Variants in PDS5A observed in about 807,000 individuals in gnomAD.
The protein encoded by PDS5A is PDS5 cohesin associated factor A.
PDS5A carries 42 observed loss-of-function variants against 167.1 expected under a neutral mutation model. That is an observed-to-expected ratio of 0.25 (90% CI 0.20 to 0.33). The LOEUF (loss-of-function observed/expected upper bound fraction) is 0.33. Ranked by LOEUF, PDS5A falls within the 10% of genes least tolerant of loss-of-function variation. The probability of loss-of-function intolerance (pLI) is 1.00; values close to 1 mark genes in which losing one functional copy is unlikely to be tolerated. For missense variants in PDS5A, 1,033 were observed against 1,605.9 expected (o/e 0.64, Z 6.10); for synonymous variants, 553 against 554.6 (o/e 1.00, Z 0.04).
chr4:39,950,204 T>C (rs1728216926), intron 2 of PDS5A, among the ~76,000 whole-genome samples: 1 of 152,092 alleles, frequency 6.6e-6, no homozygotes, highest in South Asian at 2.1e-4. Flanking sequence ...CCCAGCCAAT[T>C]GTACGTTTTA....
At chr4:39,875,910 C>A (rs1015192787) in intron 19 of PDS5A, among the ~76,000 whole-genome samples, 5 of 151,730 alleles carry the variant, frequency 3.3e-5, no homozygotes, top group African/African-American at 1.2e-4. Flanking sequence ...CAACTTTAAC[C>A]TTTCTTCTTG....
chr4:39,894,471 T>G (rs953025521), intron 16 of PDS5A, among the ~76,000 whole-genome samples: 14 of 152,114 alleles, frequency 9.2e-5, no homozygotes, highest in Non-Finnish European at 1.8e-4. Context: ...AGGTTGAGGT[T>G]GTCTGGGCAT....
At chr4:39,965,811 T>C (rs904634649) in intron 2 of PDS5A, among the ~76,000 whole-genome samples, 1 of 152,114 alleles carries the variant, frequency 6.6e-6, no homozygotes, top group African/African-American at 2.4e-5. Context: ...AAGAGTTTAA[T>C]GGGTAGAGTT....
intron 11 of PDS5A, among the ~76,000 whole-genome samples, chr4:39,907,335 T>A (rs1723469889): frequency 6.6e-6 from 1 of 152,120 alleles, no homozygotes; most frequent in Non-Finnish European, 1.5e-5. Context: ...AAAGAATACC[T>A]CTTTCTATAT....
At chr4:39,919,602 A>T (rs1429664101) in intron 7 of PDS5A, among the ~76,000 whole-genome samples, 1 of 152,186 alleles carries the variant, frequency 6.6e-6, no homozygotes, top group Admixed American at 6.5e-5. Flanking sequence ...CCGAGAATGC[A>T]CCACTGCACT....
At chr4:39,871,282 GTA>G (rs1012720282) in intron 21 of PDS5A, among the ~76,000 whole-genome samples, 2 of 152,126 alleles carry the variant, frequency 1.3e-5, no homozygotes, top group Non-Finnish European at 2.9e-5. Context: ...TTGATACTAT[GTA>G]TAGTTTATCA....
chr4:39,839,354 G>C (rs1414451610), intron 31 of PDS5A, among the ~76,000 whole-genome samples: 3 of 151,854 alleles, frequency 2.0e-5, no homozygotes, highest in African/African-American at 4.8e-5. Flanking sequence ...GGTGGATCAC[G>C]AGGTCAGGAG....
intron 2 of PDS5A, among the ~76,000 whole-genome samples, chr4:39,967,630 G>C (rs1223359289): frequency 1.3e-5 from 2 of 151,106 alleles, no homozygotes; most frequent in African/African-American, 4.9e-5. Flanking sequence ...CTGGGCGACA[G>C]AGCAAGACTC....
intron 21 of PDS5A, 63 bp from the exon 22 acceptor site, chr4:39,869,525 TAA>T (rs1719839770): frequency 2.0e-6 from 2 of 996,018 alleles, no homozygotes; most frequent in Admixed American, 3.6e-5. Context: ...TTTTGCTGAT[TAA>T]GTTTTTCATG....
intron 5 of PDS5A, among the ~76,000 whole-genome samples, chr4:39,923,739 A>ATCACCTTT (rs1725226069): frequency 1.3e-5 from 2 of 152,046 alleles, no homozygotes; most frequent in African/African-American, 4.8e-5. Context: ...ATAAAATTTT[A>ATCACCTTT]AGGAAACAAA....
At position 39,873,075 on chromosome 4, in the gene PDS5A, T is replaced by C. The variant is rs1720183575; in HGVS notation, c.2347A>G (p.Ile783Val). 2 of 1,559,338 alleles carry C rather than the reference T, an allele frequency of 1.3e-6. No individual in the cohort carries two copies. Among genetic ancestry groups the C allele is most frequent in the Admixed American group, 3.4e-5 (2 of 58,270 alleles). The change falls in exon 21 of 33, where the codon ATT becomes GTT. Residue 783 changes from isoleucine to valine, a missense_variant. Physicochemically the swap from Ile to Val is conservative, Grantham distance 29 (BLOSUM62 3). Coordinates refer to ENST00000303538, the MANE Select transcript of PDS5A (RefSeq NM_001100399.2). ...AACTGATCTGGTGCTAACATAGAAA[T>C]GTGGCCCAATGAAACTAATGGAGTT... Reference protein sequence around the residue: ...LITPLVSLGHISMLAPDQFAS... With the variant: ...LITPLVSLGHVSMLAPDQFAS...
chr4:39,873,912 G>T, intron 20 of PDS5A, among the ~76,000 whole-genome samples: 1 of 152,030 alleles, frequency 6.6e-6, no homozygotes, highest in East Asian at 1.9e-4. Context: ...AGGCATGGTG[G>T]TGGTGCCTGT....
At chr4:39,961,419 C>T (rs34677740) in intron 2 of PDS5A, among the ~76,000 whole-genome samples, 33,969 of 151,994 alleles carry the variant, frequency 0.22, 4,799 homozygotes, top group Middle Eastern at 0.33. Flanking sequence ...CCACCATGCC[C>T]GCTAATTTTT....
chr4:39,974,441 T>C (rs1170911270), intron 2 of PDS5A: 2 of 307,668 alleles, frequency 6.5e-6, no homozygotes, highest in South Asian at 5.8e-5. Context: ...GTTTAAGTTT[T>C]ATATTTCATA....
At chr4:39,883,308 G>A (rs2109599345) in intron 17 of PDS5A, among the ~76,000 whole-genome samples, 1 of 152,012 alleles carries the variant, frequency 6.6e-6, no homozygotes, top group African/African-American at 2.4e-5. Context: ...AGCCTCCCGA[G>A]TAGCTGGGAT....
chr4:39,847,135 G>C (rs1717678434), intron 28 of PDS5A: 1 of 151,966 alleles, frequency 6.6e-6, no homozygotes, highest in Non-Finnish European at 1.5e-5. Flanking sequence ...CTGTAACACT[G>C]AAGGTAACAA....
rs183014985 is a variant in PDS5A, at chr4:39,844,772, T to G, written c.3432A>C (p.Val1144=). 3.7e-5 allele frequency: 59 copies of G among 1,612,382 alleles called. No individual in the cohort carries two copies. Among genetic ancestry groups the G allele is most frequent in the Non-Finnish European group, 4.8e-5 (57 of 1,179,508 alleles). The stretch of plus-strand genomic sequence containing the variant: ...TTCCCGTTGCTGATAAAGGCTTATT[T>G]ACTGCACCTAGTACTCCAGCAGGCT... ...KPKPAGVLGA[V]NKPLSATGRK... The change falls in exon 30 of 33, where the codon GTA becomes GTC. Residue 1144 remains valine (V), a synonymous_variant. Coordinates refer to ENST00000303538, the MANE Select transcript of PDS5A (RefSeq NM_001100399.2).
chr4:39,853,975 G>A (rs1488021912), intron 26 of PDS5A, among the ~76,000 whole-genome samples: 1 of 152,152 alleles, frequency 6.6e-6, no homozygotes, highest in Non-Finnish European at 1.5e-5. Context: ...TTAGCTGTGT[G>A]ACTTTACCCT....
intron 14 of PDS5A, among the ~76,000 whole-genome samples, chr4:39,899,971 G>A (rs188112933): frequency 1.1e-4 from 17 of 150,638 alleles, no homozygotes; most frequent in African/African-American, 4.2e-4. Context: ...GTGAACACAC[G>A]TAAAAATGTA....
Sources: gnomAD v4.1 joint callset for allele counts (sites outside exome capture counted in the v4.1 genomes callset) on GRCh38, gnomAD v4.1.1 for gene constraint, MANE v1.5 for transcripts, NCBI Gene and HGNC (gene_info 2026-07-23, HGNC 2026-07-21) for gene names.